SRP54: variants seen among roughly 807,000 people sequenced by gnomAD.
SRP54 encodes the protein signal recognition particle 54, also known as signal recognition particle subunit SRP54.
SRP54 carries 10 observed loss-of-function variants against 64.8 expected under a neutral mutation model. The observed-to-expected ratio is 0.15, with a 90% confidence interval of 0.10 to 0.26. The LOEUF (loss-of-function observed/expected upper bound fraction) is 0.26. Ranked by LOEUF, SRP54 falls within the 10% of genes least tolerant of loss-of-function variation. The pLI is 1.00. For missense variants in SRP54, 325 were observed against 613.7 expected, an observed-to-expected ratio of 0.53 and a Z score of 4.97; for synonymous variants, 193 against 185.6, an observed-to-expected ratio of 1.04 and a Z score of -0.32.
intron 1 of SRP54, among the ~76,000 whole-genome samples, chr14:34,991,020 A>G (rs1248978058): frequency 2.0e-5 from 3 of 151,968 alleles, no homozygotes; most frequent in Non-Finnish European, 2.9e-5. Context: ...GATTTACTGT[A>G]TAAGGCTGAG....
At chr14:34,999,755 C>A in intron 3 of SRP54, 106 bp downstream of exon 3, 1 of 774,308 alleles carries the variant, frequency 1.3e-6, no homozygotes, top group Non-Finnish European at 2.2e-6. Context: ...TTCTGCTCTG[C>A]ACCACTGGAA....
chr14:35,014,720 A>T, intron 10 of SRP54, 24 bp from the exon 11 acceptor site: 1 of 1,580,718 alleles, frequency 6.3e-7, no homozygotes. Context: ...TTAGTTGTTA[A>T]TTTTTCTTTT....
chr14:34,998,439 C>G (rs1594985764), intron 2 of SRP54, among the ~76,000 whole-genome samples: 1 of 152,152 alleles, frequency 6.6e-6, no homozygotes, highest in African/African-American at 2.4e-5. Context: ...CACCTGTATT[C>G]TGCTGCTCTA....
chr14:34,999,419 T>C, intron 2 of SRP54, 139 bp from the exon 3 acceptor site: 1 of 535,058 alleles, frequency 1.9e-6, no homozygotes, highest in Non-Finnish European at 3.3e-6. Flanking sequence ...TTAATAAAAT[T>C]ATCTCTCCAA....
At chr14:34,998,654 A>G (rs578124475) in intron 2 of SRP54, among the ~76,000 whole-genome samples, 1 of 152,030 alleles carries the variant, frequency 6.6e-6, no homozygotes, top group East Asian at 1.9e-4. Flanking sequence ...TCTACTAACA[A>G]TACAAAAAAT....
intron 4 of SRP54, among the ~76,000 whole-genome samples, chr14:35,003,472 T>C (rs2044208593): frequency 6.6e-6 from 1 of 152,072 alleles, no homozygotes; most frequent in Admixed American, 6.5e-5. Flanking sequence ...ATTCCTGGGC[T>C]CGAGCGATCT....
At chr14:34,986,031 T>C (rs1395310745) in intron 1 of SRP54, among the ~76,000 whole-genome samples, 1 of 152,328 alleles carries the variant, frequency 6.6e-6, no homozygotes, top group East Asian at 1.9e-4. Flanking sequence ...GGTAGCATTT[T>C]ATGTAAAGAT....
chr14:35,013,139 G>A (rs931038021), intron 8 of SRP54, among the ~76,000 whole-genome samples: 1 of 151,926 alleles, frequency 6.6e-6, no homozygotes, highest in African/African-American at 2.4e-5. Flanking sequence ...TGTATTTTTA[G>A]TAGAGACGGG....
intron 14 of SRP54, 72 bp from the exon 15 acceptor site, chr14:35,028,016 C>G (rs1950186): frequency 2.4e-5 from 21 of 873,208 alleles, no homozygotes; most frequent in Non-Finnish European, 3.6e-5. Flanking sequence ...ATCAAACTTT[C>G]TATTATACCC....
chr14:35,000,333 T>C (rs568866141), intron 3 of SRP54, among the ~76,000 whole-genome samples: 7 of 151,984 alleles, frequency 4.6e-5, no homozygotes, highest in Admixed American at 4.6e-4. Context: ...TTTGGGAGGC[T>C]GAGGTGGGTG....
At chr14:35,015,153 C>T (rs531495315) in intron 11 of SRP54, among the ~76,000 whole-genome samples, 89 of 152,108 alleles carry the variant, frequency 5.9e-4, no homozygotes, top group African/African-American at 2.1e-3. Context: ...CTTGGCTCAC[C>T]GCAAACTCCA....
chr14:34,985,843 T>G (rs944851746), intron 1 of SRP54, among the ~76,000 whole-genome samples: 1 of 152,214 alleles, frequency 6.6e-6, no homozygotes, highest in Admixed American at 6.5e-5. Context: ...AGAGTCTGAT[T>G]GAGCATTTAA....
At chr14:35,001,680 A>G (rs1207280718) in intron 4 of SRP54, among the ~76,000 whole-genome samples, 1 of 152,184 alleles carries the variant, frequency 6.6e-6, no homozygotes, top group East Asian at 1.9e-4. Flanking sequence ...ATTCTTTTCT[A>G]CACTGTTCGT....
intron 15 of SRP54, 110 bp downstream of exon 15, chr14:35,028,293 G>A (rs1214565386): frequency 4.7e-6 from 3 of 639,818 alleles, no homozygotes; most frequent in Non-Finnish European, 7.7e-6. Context: ...AAAGGTGTGT[G>A]ATTTCAGGGA....
chr14:34,988,496 A>G (rs2043930585), intron 1 of SRP54, among the ~76,000 whole-genome samples: 1 of 138,418 alleles, frequency 7.2e-6, no homozygotes, highest in Non-Finnish European at 1.5e-5. Context: ...CAGGAGGTGG[A>G]GGTTGCAGTG....
intron 8 of SRP54, 133 bp from the exon 9 acceptor site, chr14:35,013,213 C>G: frequency 4.9e-6 from 4 of 815,666 alleles, no homozygotes; most frequent in Non-Finnish European, 7.6e-6. Flanking sequence ...GCTCGGCCTC[C>G]CAAAGTGCTG....
At position 34,998,386 on chromosome 14, in the gene SRP54, CAT is replaced by C. The variant is rs532023982; in HGVS notation, c.79-1169_79-1168del. Among the ~76,000 whole-genome samples, 35 of 152,282 alleles carry C rather than the reference CAT, an allele frequency of 2.3e-4. No individual in the cohort carries two copies. The South Asian group carries it at 7.0e-3, about 31-fold the overall frequency. On this transcript the variant is annotated intron_variant, in intron 2 of 15. Transcript: ENST00000216774. Reference sequence around the variant, plus strand: ...CTACAGTGCCTTGCAATTCAACAAACATATGATGATAATAAGTTATTAATGGA... The same window carrying C: ...CTACAGTGCCTTGCAATTCAACAAACATGATGATAATAAGTTATTAATGGA...
chr14:35,013,794 T>C lies in SRP54; in HGVS notation c.786-8T>C. On this transcript the variant is annotated splice_region_variant and splice_polypyrimidine_tract_variant and intron_variant, in intron 9 of 15. Transcript: ENST00000216774. ...TGAGGTTATTTTATATTTTCTTTTT[T>C]TTTCCAGAGTCGCTGCCACAAAAAG... is the stretch of plus-strand genomic sequence containing the variant. 6.3e-7 allele frequency: 1 copy of C among 1,599,170 alleles called. No individual in the cohort carries two copies.
intron 1 of SRP54, among the ~76,000 whole-genome samples, chr14:34,992,053 C>T (rs1419588798): frequency 6.6e-6 from 1 of 152,188 alleles, no homozygotes; most frequent in African/African-American, 2.4e-5. Context: ...CTGCCTCAGT[C>T]TCCAGAGTAG....
Sources: gnomAD v4.1 joint callset for allele counts (sites outside exome capture counted in the v4.1 genomes callset) on GRCh38, gnomAD v4.1.1 for gene constraint, MANE v1.5 for transcripts, NCBI Gene and HGNC (gene_info 2026-07-23, HGNC 2026-07-21) for gene names.